The following IGSF11 variants were observed in gnomAD, a reference collection of about 807,000 sequenced individuals.
IGSF11 encodes the protein CXADR like 1.
In IGSF11, 22 loss-of-function variants were observed where a neutral mutation model predicts 41.0. The observed-to-expected ratio is 0.54, with a 90% CI of 0.38 to 0.77. The LOEUF is 0.77. IGSF11 is among the 30% of genes least tolerant of loss of function. IGSF11 has a pLI of 0.00. For missense variants in IGSF11, 444 were observed against 530.8 expected (o/e 0.84, Z 1.61); for synonymous variants, 219 against 201.3 (o/e 1.09, Z -0.74).
chr3:119,123,799 AC>A (rs1359083222), intron 1 of IGSF11, among the ~76,000 whole-genome samples: 1 of 152,258 alleles, frequency 6.6e-6, no homozygotes, highest in African/African-American at 2.4e-5. Context: ...CCACAATGTT[AC>A]TGAGCTCAAG....
At chr3:118,913,008 A>C (rs1233493328) in intron 4 of IGSF11, among the ~76,000 whole-genome samples, 1 of 152,058 alleles carries the variant, frequency 6.6e-6, no homozygotes, top group Non-Finnish European at 1.5e-5. Flanking sequence ...TCTTAAAAGA[A>C]GGAAAGAAAA....
At chr3:119,099,699 C>T (rs564667743) in intron 1 of IGSF11, among the ~76,000 whole-genome samples, 2 of 152,312 alleles carry the variant, frequency 1.3e-5, no homozygotes, top group South Asian at 2.1e-4. Flanking sequence ...GGTTAGAAAT[C>T]ATGGAGGGCC....
chr3:118,985,654 G>A (rs528637170), intron 1 of IGSF11, among the ~76,000 whole-genome samples: 1 of 152,190 alleles, frequency 6.6e-6, no homozygotes, highest in South Asian at 2.1e-4. Context: ...GAACCTAAGA[G>A]TCACCCTTGA....
At chr3:119,056,875 A>G (rs1446548696) in intron 1 of IGSF11, among the ~76,000 whole-genome samples, 1 of 152,240 alleles carries the variant, frequency 6.6e-6, no homozygotes, top group Non-Finnish European at 1.5e-5. Context: ...CAAAAAACAC[A>G]TGATTATCTC....
chr3:119,142,006 T>C (rs1576845675), intron 1 of IGSF11, among the ~76,000 whole-genome samples: 1 of 152,102 alleles, frequency 6.6e-6, no homozygotes, highest in African/African-American at 2.4e-5. Flanking sequence ...CCGGGCGCGG[T>C]GGCTCACGCT....
intron 1 of IGSF11, among the ~76,000 whole-genome samples, chr3:118,964,741 T>A (rs187826349): frequency 6.6e-6 from 1 of 152,310 alleles, no homozygotes; most frequent in East Asian, 1.9e-4. Flanking sequence ...CATTCTAATG[T>A]TTGAATTTCC....
At chr3:119,139,298 G>A (rs1274104124) in intron 1 of IGSF11, among the ~76,000 whole-genome samples, 1 of 152,144 alleles carries the variant, frequency 6.6e-6, no homozygotes, top group African/African-American at 2.4e-5. Context: ...ATACTTGATG[G>A]TAATTCAAAT....
chr3:118,916,324 G>C (rs936053223), intron 4 of IGSF11, among the ~76,000 whole-genome samples: 1 of 152,122 alleles, frequency 6.6e-6, no homozygotes, highest in Admixed American at 6.5e-5. Context: ...GTTGGATAAA[G>C]AGTCAAGACC....
At chr3:119,008,261 G>A (rs376183096) in intron 1 of IGSF11, among the ~76,000 whole-genome samples, 5 of 152,220 alleles carry the variant, frequency 3.3e-5, no homozygotes, top group South Asian at 2.1e-4. Context: ...AGAAGTCAAC[G>A]GGAATATACC....
intron 1 of IGSF11, among the ~76,000 whole-genome samples, chr3:118,973,453 A>T (rs1206506821): frequency 6.6e-6 from 1 of 152,178 alleles, no homozygotes; most frequent in Non-Finnish European, 1.5e-5. Context: ...TAAACAAAGG[A>T]GTGAAATAAA....
chr3:118,960,200 G>C (rs1430840802), intron 1 of IGSF11, among the ~76,000 whole-genome samples: 4 of 152,016 alleles, frequency 2.6e-5, no homozygotes, highest in African/African-American at 4.8e-5. Context: ...CTATTATCTA[G>C]CCCAGTAATT....
intron 1 of IGSF11, among the ~76,000 whole-genome samples, chr3:119,018,328 G>C (rs1026671320): frequency 3.3e-5 from 5 of 152,156 alleles, no homozygotes; most frequent in Non-Finnish European, 1.5e-5. Context: ...GCTTCATAGT[G>C]CTTAAGTTTC....
intron 1 of IGSF11, among the ~76,000 whole-genome samples, chr3:119,057,129 T>C (rs771803349): frequency 1.4e-4 from 21 of 152,166 alleles, no homozygotes; most frequent in African/African-American, 2.2e-4. Flanking sequence ...CCAGGGCAAT[T>C]AGGCAGGAGA....
intron 3 of IGSF11, 59 bp downstream of exon 3, chr3:118,928,450 T>C: frequency 7.4e-7 from 1 of 1,345,058 alleles, no homozygotes; most frequent in East Asian, 2.3e-5. Context: ...GAAGCAAGTA[T>C]GCTTGAGAGT....
Position 118,928,503 on chromosome 3 carries a change from A to G in IGSF11, c.424+6T>C, listed in dbSNP as rs1413341105. The G allele has an allele frequency of 6.2e-7, 1 of 1,609,436 alleles. No individual in the cohort carries two copies. The highest frequency in any genetic ancestry group is 8.5e-7 in the Non-Finnish European group (1 of 1,177,388). Reference sequence around the variant, plus strand: ...CCGAACAGCCAAGGACTCTTGTGTCACTCACCTAACACTGTGAGACCGGTG... The same window carrying G: ...CCGAACAGCCAAGGACTCTTGTGTCGCTCACCTAACACTGTGAGACCGGTG... On this transcript the variant is annotated splice_donor_region_variant and intron_variant, in intron 3 of 6. Transcript: ENST00000393775.
intron 1 of IGSF11, among the ~76,000 whole-genome samples, chr3:119,069,442 C>A (rs564913239): frequency 2.3e-4 from 35 of 151,992 alleles, no homozygotes; most frequent in Non-Finnish European, 3.7e-4. Context: ...TACTACATGA[C>A]CATTGTAGTC....
rs151334861 is a variant in IGSF11 at position 118,966,203 on chromosome 3, C to A, written c.53-35928G>T. ...TCAACAATTACTTAATTAAACTCAT[C>A]TGAAGGTTAGGGACCATACAAATGT... On this transcript the variant is annotated intron_variant, in intron 1 of 6. Transcript: ENST00000393775. 2.6e-4 allele frequency among the ~76,000 whole-genome samples: 40 copies of A among 152,278 alleles called. No homozygotes were observed. In the East Asian group the frequency reaches 7.5e-3, roughly 29 times the overall value.
rs1553765840 is a variant in IGSF11 at position 118,971,818 on chromosome 3, AAG to A, written c.53-41545_53-41544del. ...ACTCCGTCTCAAAAAAAAAAAAAAA[AAG>A]AAGAAACTACAGTTGCTGGATAGAA... On this transcript the variant is annotated intron_variant, in intron 1 of 6. Coordinates refer to ENST00000393775, the MANE Select transcript of IGSF11 (RefSeq NM_001015887.3). Among the ~76,000 whole-genome samples, 731 of 151,130 alleles carry A rather than the reference AAG, an allele frequency of 4.8e-3. 2 individuals are homozygous for A. The highest frequency in any genetic ancestry group is 0.017 in the African/African-American group (681 of 41,028).
chr3:119,066,049 C>A (rs1310261904), intron 1 of IGSF11, among the ~76,000 whole-genome samples: 1 of 152,008 alleles, frequency 6.6e-6, no homozygotes, highest in African/African-American at 2.4e-5. Flanking sequence ...GCATCCATTT[C>A]ATCATAATTT....
Sources: gnomAD v4.1 joint callset for allele counts (sites outside exome capture counted in the v4.1 genomes callset) on GRCh38, gnomAD v4.1.1 for gene constraint, MANE v1.5 for transcripts, NCBI Gene and HGNC (gene_info 2026-07-23, HGNC 2026-07-21) for gene names.